The following KLRG1 variants were observed in gnomAD, a reference collection of about 807,000 sequenced individuals.
KLRG1 encodes killer cell lectin like receptor G1, also known as killer cell lectin-like receptor subfamily G member 1.
KLRG1 carries 16 observed loss-of-function variants against 21.8 expected under a neutral mutation model. The observed-to-expected ratio is 0.73, with a 90% CI of 0.50 to 1.11. The LOEUF is 1.11. KLRG1 is among the 50% of genes most tolerant of loss of function. KLRG1 has a pLI of 0.00. For synonymous variants in KLRG1, 69 were observed against 75.9 expected (o/e 0.91, Z 0.47); for missense variants, 173 against 218.3 (o/e 0.79, Z 1.31).
At chr12:9,106,127 T>TATATATATTTTATATATATTTTATA in the KLRG1 span, 3 of 613,970 alleles carry the variant, frequency 4.9e-6, no homozygotes. Context: ...ATACTTTTGG[T>TATATATATTTTATATATATTTTATA]TATATTAAAT....
At chr12:9,064,056 C>A in the KLRG1 span, among the ~76,000 whole-genome samples, 1 of 152,186 alleles carries the variant, frequency 6.6e-6, no homozygotes, top group Admixed American at 6.5e-5. This position sits in a 1 kb window ranked among gnomAD's most constrained non-coding sequence, Gnocchi z 4.0. Context: ...TGGCTTGATA[C>A]TTAATTTGAC....
chr12:9,029,768 T>A, the KLRG1 span, among the ~76,000 whole-genome samples: 7 of 152,164 alleles, frequency 4.6e-5, no homozygotes, highest in East Asian at 3.9e-4. Flanking sequence ...TTAATTAATT[T>A]ATTTATTTGA....
At chr12:9,172,733 G>A in the KLRG1 span, among the ~76,000 whole-genome samples, 12 of 152,178 alleles carry the variant, frequency 7.9e-5, no homozygotes, top group South Asian at 2.5e-3. Context: ...ACAAAGAAGG[G>A]TAGTATATAA....
intron 1 of KLRG1, among the ~76,000 whole-genome samples, chr12:8,991,852 C>G (rs1946979293): frequency 6.6e-6 from 1 of 152,068 alleles, no homozygotes; most frequent in East Asian, 1.9e-4. Flanking sequence ...GGAGAAATTT[C>G]TAGGTCAAAG....
the KLRG1 span, chr12:9,208,345 G>C: frequency 6.2e-7 from 1 of 1,611,312 alleles, no homozygotes. Flanking sequence ...TCCGCATTGT[G>C]AGGGATAAAT....
the KLRG1 span, among the ~76,000 whole-genome samples, chr12:9,214,048 A>G: frequency 2.0e-5 from 3 of 151,968 alleles, no homozygotes; most frequent in African/African-American, 7.2e-5. Context: ...TCTTTTGCAT[A>G]TGGGTATTTG....
At chr12:9,096,560 T>C in the KLRG1 span, among the ~76,000 whole-genome samples, 2 of 152,246 alleles carry the variant, frequency 1.3e-5, no homozygotes, top group African/African-American at 4.8e-5. Flanking sequence ...ATATAATACA[T>C]ACAACTTTAA....
At chr12:9,200,827 A>T in the KLRG1 span, 1 of 1,503,480 alleles carries the variant, frequency 6.7e-7, no homozygotes, top group East Asian at 2.3e-5. Context: ...AATTCAAAGG[A>T]TCTAAGTGAG....
downstream of KLRG1, among the ~76,000 whole-genome samples, chr12:9,014,042 T>C (rs769111287): frequency 6.6e-6 from 1 of 152,128 alleles, no homozygotes; most frequent in South Asian, 2.1e-4. Context: ...AAAGACAGGT[T>C]GTTTGAAAAT....
intron 3 of KLRG1, among the ~76,000 whole-genome samples, chr12:9,001,335 T>G (rs1423742727): frequency 1.3e-5 from 2 of 152,188 alleles, no homozygotes; most frequent in African/African-American, 4.8e-5. Flanking sequence ...TTTTAAAATA[T>G]GAGACTGTAG....
chr12:8,989,621 A>T lies in KLRG1; in HGVS notation c.-15A>T. The T allele has an allele frequency of 6.4e-7, 1 of 1,566,186 alleles. No individual in the cohort carries two copies. Among genetic ancestry groups the T allele is most frequent in the Non-Finnish European group, 8.8e-7 (1 of 1,138,888 alleles). ...TTTAACTCTCTCAACTGCATGTGAA[A>T]GATCTTAGCTGAAGATGACTGACAG... On this transcript the variant is annotated 5_prime_UTR_variant, in exon 1 of 5. It adds an upstream start codon to the 5' untranslated region. Transcript: ENST00000356986.
chr12:9,118,477 C>T, the KLRG1 span, among the ~76,000 whole-genome samples: 2 of 152,288 alleles, frequency 1.3e-5, no homozygotes, highest in East Asian at 3.9e-4. Context: ...AGATGGAAGC[C>T]ATGTGTTAAG....
rs186629516 is a variant in KLRG1 at position 8,954,066 on chromosome 12, A to C, written c.-156+3830A>C. Among the ~76,000 whole-genome samples the C allele has an allele frequency of 2.2e-3, 331 of 152,306 alleles. 1 individual carries two copies. The highest frequency in any genetic ancestry group is 7.4e-3 in the African/African-American group (309 of 41,564). ...CCTCCTTTATCCTTTTGACATGTCC[A>C]TATGATTTTTTGAGGAATTCTTTAC... On this transcript the variant is annotated intron_variant, in intron 1 of 4. Transcript: ENST00000539240.
the KLRG1 span, among the ~76,000 whole-genome samples, chr12:9,185,701 T>C: frequency 6.6e-6 from 1 of 151,754 alleles, no homozygotes; most frequent in Non-Finnish European, 1.5e-5. Context: ...AAAGGACAAG[T>C]CACCTACAAA....
intron 3 of KLRG1, among the ~76,000 whole-genome samples, chr12:8,998,821 C>T (rs1947219870): frequency 6.6e-6 from 1 of 151,990 alleles, no homozygotes; most frequent in East Asian, 1.9e-4. Flanking sequence ...CTTCTGGTTT[C>T]TTTTCTATAC....
chr12:8,977,193 A>C (rs1428844650), intron 1 of KLRG1, among the ~76,000 whole-genome samples: 1 of 144,344 alleles, frequency 6.9e-6, no homozygotes, highest in African/African-American at 2.5e-5. Flanking sequence ...TAGACATTGC[A>C]TCACTAGCTA....
At chr12:9,157,959 C>T in the KLRG1 span, 6 of 734,976 alleles carry the variant, frequency 8.2e-6, no homozygotes, top group Middle Eastern at 2.4e-4. Context: ...CCATTTCCTT[C>T]TCTCTCTCTC....
At chr12:9,151,668 T>C in the KLRG1 span, 2 of 1,613,520 alleles carry the variant, frequency 1.2e-6, no homozygotes, top group Non-Finnish European at 1.7e-6. Flanking sequence ...GCTAGATCTT[T>C]CAAGCTGGAG....
the KLRG1 span, among the ~76,000 whole-genome samples, chr12:9,161,326 G>A: frequency 6.6e-6 from 1 of 152,220 alleles, no homozygotes; most frequent in Non-Finnish European, 1.5e-5. Flanking sequence ...TTCAACGAAT[G>A]TGAGCAATTG....
Sources: gnomAD v4.1 joint callset for allele counts (sites outside exome capture counted in the v4.1 genomes callset) on GRCh38, gnomAD v4.1.1 for gene constraint, Gnocchi (gnomAD v3.1) non-coding constraint, MANE v1.5 for transcripts, NCBI Gene and HGNC (gene_info 2026-07-23, HGNC 2026-07-21) for gene names.